Variants in CLTCL1 observed in about 807,000 individuals in gnomAD.
CLTCL1 encodes clathrin heavy chain like 1.
CLTCL1 carries 159 observed loss-of-function variants against 190.0 expected under a neutral mutation model. The observed-to-expected ratio is 0.84, with a 90% CI of 0.74 to 0.95. The LOEUF (loss-of-function observed/expected upper bound fraction) is 0.95, where lower values mean the gene tolerates loss of function less well. Ranked by LOEUF, CLTCL1 falls within the 40% of genes least tolerant of loss-of-function variation. CLTCL1 has a pLI of 0.00. For synonymous variants in CLTCL1, 752 were observed against 769.6 expected, an observed-to-expected ratio of 0.98 and a Z score of 0.38; for missense variants, 1,878 against 2,033.4, an observed-to-expected ratio of 0.92 and a Z score of 1.47.
In CLTCL1 at chr22:19,232,086, C is replaced by T. The variant is rs563592173; in HGVS notation, c.1644+390G>A. Among the ~76,000 whole-genome samples, 5 of 152,196 alleles carry T rather than the reference C, an allele frequency of 3.3e-5. No individual in the cohort carries two copies. In the East Asian group the frequency reaches 5.8e-4, roughly 18 times the overall value. On this transcript the variant is annotated intron_variant, in intron 10 of 32. Coordinates refer to ENST00000427926, the MANE Select transcript of CLTCL1 (RefSeq NM_007098.4). The stretch of plus-strand genomic sequence containing the variant: ...CACGTAATCCAGGTCAGTCAGACAC[C>T]CACAGGATGAACATCTGGGGGACGC...
In CLTCL1 at chr22:19,221,565, A is replaced by G. The variant is rs2085570916; in HGVS notation, c.2608T>C (p.Cys870Arg). The change falls in exon 17 of 33, where the codon TGT becomes CGT. Residue 870 changes from cysteine to arginine, a missense_variant. Coordinates refer to ENST00000427926, the MANE Select transcript of CLTCL1 (RefSeq NM_007098.4). ...PWLESQIQEG[C>R]EEPATHNALA... ...GCATTGTGAGTGGCAGGCTCCTCAC[A>G]GCCTTCCTGAATCTGGGACTCCAGC... The G allele has an allele frequency of 6.2e-7, 1 of 1,601,336 alleles. No individual in the cohort carries two copies. The highest frequency in any genetic ancestry group is 1.7e-5 in the Admixed American group (1 of 58,068).
intron 26 of CLTCL1, among the ~76,000 whole-genome samples, chr22:19,195,794 G>A (rs1279833911): frequency 2.6e-5 from 4 of 152,158 alleles, no homozygotes; most frequent in Non-Finnish European, 5.9e-5. Flanking sequence ...GCCCAGTTAG[G>A]CTACAGGATG....
At chr22:19,266,481 T>G (rs1555978014) in intron 2 of CLTCL1, among the ~76,000 whole-genome samples, 1 of 152,198 alleles carries the variant, frequency 6.6e-6, no homozygotes, top group African/African-American at 2.4e-5. Context: ...CTTTCACTGT[T>G]GAATTCTATC....
At chr22:19,281,862 T>A (rs1555986935) in intron 1 of CLTCL1, among the ~76,000 whole-genome samples, 1 of 152,154 alleles carries the variant, frequency 6.6e-6, no homozygotes, top group Admixed American at 6.5e-5. Flanking sequence ...GTTCCTTATC[T>A]AAGAGCATAC....
chr22:19,213,534 AC>A (rs1401894199), intron 19 of CLTCL1, among the ~76,000 whole-genome samples: 1 of 152,206 alleles, frequency 6.6e-6, no homozygotes. Context: ...ACCCAAACGT[AC>A]TTTGATGGGT....
At chr22:19,218,664 C>G (rs1451856155) in intron 18 of CLTCL1, among the ~76,000 whole-genome samples, 1 of 152,144 alleles carries the variant, frequency 6.6e-6, no homozygotes, top group Admixed American at 6.5e-5. Flanking sequence ...TTGGTCTTGC[C>G]CCACCCCTAA....
intron 1 of CLTCL1, among the ~76,000 whole-genome samples, chr22:19,291,087 G>A (rs2088099513): frequency 6.6e-6 from 1 of 152,204 alleles, no homozygotes; most frequent in East Asian, 1.9e-4. Flanking sequence ...AGGCTTTGGG[G>A]GTGTTACTGC....
chr22:19,190,183 C>T (rs534456628), intron 27 of CLTCL1, among the ~76,000 whole-genome samples: 39 of 152,262 alleles, frequency 2.6e-4, no homozygotes, highest in African/African-American at 7.7e-4. Flanking sequence ...TCGGGTGATC[C>T]GCCTGCCTTG....
At chr22:19,286,528 A>T (rs2087913157) in intron 1 of CLTCL1, among the ~76,000 whole-genome samples, 1 of 152,192 alleles carries the variant, frequency 6.6e-6, no homozygotes, top group Admixed American at 6.5e-5. Context: ...ATAGCTACAT[A>T]ATGGCAACAT....
chr22:19,209,100 G>A lies in CLTCL1; in HGVS notation c.3264C>T (p.His1088=), dbSNP rs782156534. 5.0e-6 allele frequency: 8 copies of A among 1,604,086 alleles called. No individual in the cohort carries two copies. The highest frequency in any genetic ancestry group is 6.0e-6 in the Non-Finnish European group (7 of 1,174,926). Residue 1088 remains histidine, a synonymous_variant, in exon 21 of 33, where the codon CAC becomes CAT. Coordinates refer to ENST00000427926, the MANE Select transcript of CLTCL1 (RefSeq NM_007098.4). ...NASAIQVLIE[H]IGNLDRAYEF... is the part of the protein sequence containing the mutation. ...CATATGCCCGGTCCAGGTTTCCAATGTGCTCGATCAGGACCTAGGGGTTAT... is the reference window on the plus strand; with the variant it reads ...CATATGCCCGGTCCAGGTTTCCAATATGCTCGATCAGGACCTAGGGGTTAT...
intron 11 of CLTCL1, 79 bp from the exon 12 acceptor site, chr22:19,226,462 G>C (rs782320701): frequency 4.5e-6 from 7 of 1,549,730 alleles, no homozygotes; most frequent in Non-Finnish European, 5.3e-6. Context: ...TCTTGCCCCA[G>C]GGTAGGGTAT....
At chr22:19,220,529 A>G (rs1275915531) in intron 17 of CLTCL1, among the ~76,000 whole-genome samples, 1 of 152,218 alleles carries the variant, frequency 6.6e-6, no homozygotes, top group Non-Finnish European at 1.5e-5. Flanking sequence ...GTAGATCTGG[A>G]GACCTTTTTC....
chr22:19,272,711 A>T (rs1307481982), intron 2 of CLTCL1, among the ~76,000 whole-genome samples: 1 of 152,140 alleles, frequency 6.6e-6, no homozygotes, highest in Non-Finnish European at 1.5e-5. Context: ...CCTCCAGGTG[A>T]TCTGCCTGCC....
rs1555926772 is a variant in CLTCL1, at chr22:19,183,459, G to T, written c.4758C>A (p.Ala1586=). 6.2e-7 allele frequency: 1 copy of T among 1,613,738 alleles called. No homozygotes were observed. Among genetic ancestry groups the T allele is most frequent in the Admixed American group, 1.7e-5 (1 of 60,016 alleles). The change falls in exon 30 of 33, where the codon GCC becomes GCA. Residue 1586 remains alanine (A), a synonymous_variant. Transcript: ENST00000427926. ...CCAAGTCCACGAGGTTGTGCCTCCAGGCCAGCTCAAGCACCATGTCTGGGC... is the reference window on the plus strand; with the variant it reads ...CCAAGTCCACGAGGTTGTGCCTCCATGCCAGCTCAAGCACCATGTCTGGGC... The part of the protein sequence containing the change: ...LLRPDMVLEL[A]WRHNLVDLAM...
chr22:19,269,710 C>T (rs903137600), intron 2 of CLTCL1, among the ~76,000 whole-genome samples: 1 of 152,078 alleles, frequency 6.6e-6, no homozygotes, highest in Non-Finnish European at 1.5e-5. Flanking sequence ...CATGTTCTCA[C>T]TCATAAGTGG....
Position 19,241,648 on chromosome 22 carries a change from T to C in CLTCL1, c.681+1127A>G, listed in dbSNP as rs527437059. 9.2e-5 allele frequency among the ~76,000 whole-genome samples: 14 copies of C among 152,368 alleles called. 1 individual carries two copies. The East Asian group carries it at 1.9e-3, about 21-fold the overall frequency. ...AAGTGTTTTTCACAAGACGACTGTC[T>C]TGAAGCAGCTCTCCAAGTGGCTGAG... On this transcript the variant is annotated intron_variant, in intron 4 of 32. Transcript: ENST00000427926.
At chr22:19,291,114 T>C (rs1255380409) in intron 1 of CLTCL1, among the ~76,000 whole-genome samples, 1 of 152,210 alleles carries the variant, frequency 6.6e-6, no homozygotes, top group Non-Finnish European at 1.5e-5. Context: ...AAGCCCTATT[T>C]AGGCTTGGCC....
chr22:19,251,673 G>T (rs1555970109), intron 3 of CLTCL1, among the ~76,000 whole-genome samples: 2 of 151,982 alleles, frequency 1.3e-5, no homozygotes, highest in African/African-American at 4.8e-5. Flanking sequence ...AGCCAGGATG[G>T]TCTCAATCTC....
chr22:19,266,249 G>C (rs2087121314), intron 2 of CLTCL1, among the ~76,000 whole-genome samples: 1 of 151,538 alleles, frequency 6.6e-6, no homozygotes, highest in Non-Finnish European at 1.5e-5. Flanking sequence ...AATGAAAGAG[G>C]GCACCACTGC....
Sources: allele counts gnomAD v4.1 joint callset (sites outside exome capture counted in the v4.1 genomes callset), GRCh38; gene constraint gnomAD v4.1.1; transcripts MANE v1.5; gene names NCBI Gene and HGNC (gene_info 2026-07-23, HGNC 2026-07-21).